The following IQSEC1 variants were observed in gnomAD, a reference collection of about 807,000 sequenced individuals.
The protein encoded by IQSEC1 is IQ motif and SEC7 domain-containing protein 1.
IQSEC1 carries 31 observed loss-of-function variants against 91.0 expected under a neutral mutation model. That is an observed-to-expected ratio of 0.34 (90% CI 0.26 to 0.46). The LOEUF (loss-of-function observed/expected upper bound fraction) is 0.46. Among genes scored for constraint, IQSEC1 ranks in the 20% least tolerant of loss-of-function variants. The pLI is 1.00. For missense variants in IQSEC1, 1,388 were observed against 1,575.6 expected (o/e 0.88, Z 2.02); for synonymous variants, 699 against 662.6 (o/e 1.05, Z -0.84).
At chr3:13,143,148 G>A (rs1706829336) in intron 2 of IQSEC1, among the ~76,000 whole-genome samples, 1 of 152,232 alleles carries the variant, frequency 6.6e-6, no homozygotes, top group African/African-American at 2.4e-5. Context: ...CTGGAGGACA[G>A]GAATCCCATC....
At chr3:13,256,649 C>T (rs902051458) in intron 1 of IQSEC1, among the ~76,000 whole-genome samples, 2 of 152,204 alleles carry the variant, frequency 1.3e-5, no homozygotes, top group African/African-American at 2.4e-5. Flanking sequence ...ACTGAGCAAG[C>T]GCTGGGGATG....
chr3:13,169,541 G>A (rs1037779276), intron 1 of IQSEC1, among the ~76,000 whole-genome samples: 3 of 152,226 alleles, frequency 2.0e-5, no homozygotes, highest in African/African-American at 7.2e-5. Context: ...CTCAGAAGAA[G>A]ACAGGAAAAT....
chr3:13,237,001 C>T (rs938956248), intron 1 of IQSEC1, among the ~76,000 whole-genome samples: 1 of 152,232 alleles, frequency 6.6e-6, no homozygotes, highest in Non-Finnish European at 1.5e-5. Context: ...AACACCTGCC[C>T]GAGGAGGGGC....
chr3:13,116,199 C>T (rs1272670021), intron 2 of IQSEC1, among the ~76,000 whole-genome samples: 1 of 152,160 alleles, frequency 6.6e-6, no homozygotes, highest in Non-Finnish European at 1.5e-5. Context: ...TGTGCCAGGC[C>T]AGGTGCTGGC....
At chr3:13,144,957 T>C (rs1053542189) in intron 2 of IQSEC1, among the ~76,000 whole-genome samples, 1 of 152,220 alleles carries the variant, frequency 6.6e-6, no homozygotes, top group Non-Finnish European at 1.5e-5. Context: ...GAAGGCCCAC[T>C]GTGGGCAGGC....
chr3:13,131,883 G>C (rs1490331329), intron 2 of IQSEC1, among the ~76,000 whole-genome samples: 1 of 151,874 alleles, frequency 6.6e-6, no homozygotes, highest in Admixed American at 6.6e-5. Context: ...TATCTATAAT[G>C]GTCCCATTGT....
At chr3:13,127,068 T>C (rs1269363447) in intron 2 of IQSEC1, among the ~76,000 whole-genome samples, 2 of 152,244 alleles carry the variant, frequency 1.3e-5, no homozygotes, top group Non-Finnish European at 2.9e-5. Context: ...TCCATTAAAT[T>C]GCTTTTGCAT....
chr3:13,112,625 G>A (rs1036196323), intron 2 of IQSEC1, among the ~76,000 whole-genome samples: 7 of 152,376 alleles, frequency 4.6e-5, no homozygotes, highest in African/African-American at 1.2e-4. Context: ...TGGTGGATGC[G>A]GCAGGAGCCT....
intron 2 of IQSEC1, among the ~76,000 whole-genome samples, chr3:12,941,145 T>G (rs973202695): frequency 6.6e-6 from 1 of 152,082 alleles, no homozygotes; most frequent in East Asian, 1.9e-4. Context: ...TCAATGGACC[T>G]CCCTCCCTCA....
intron 2 of IQSEC1, among the ~76,000 whole-genome samples, chr3:13,112,584 C>G: frequency 6.7e-6 from 1 of 149,154 alleles, no homozygotes; most frequent in East Asian, 2.0e-4. Flanking sequence ...GCACTGCGTG[C>G]TGGCCCCCAG....
intron 1 of IQSEC1, among the ~76,000 whole-genome samples, chr3:13,015,078 G>A (rs1225073537): frequency 6.6e-6 from 1 of 152,184 alleles, no homozygotes; most frequent in Admixed American, 6.5e-5. Context: ...GTGTGGGAAG[G>A]AAACACACCA....
chr3:13,132,817 CTT>C (rs1706641995), intron 2 of IQSEC1, among the ~76,000 whole-genome samples: 1 of 152,178 alleles, frequency 6.6e-6, no homozygotes, highest in Non-Finnish European at 1.5e-5. Flanking sequence ...CACCAGGAAA[CTT>C]TAGGAAACAC....
intron 1 of IQSEC1, among the ~76,000 whole-genome samples, chr3:13,032,083 A>G (rs1177541834): frequency 2.6e-5 from 4 of 152,108 alleles, no homozygotes; most frequent in Non-Finnish European, 5.9e-5. Flanking sequence ...TCCTTTCTCT[A>G]CGCACACACA....
Position 13,236,413 on chromosome 3 carries a change from C to T in IQSEC1, c.272+46298G>A, listed in dbSNP as rs141218214. Among the ~76,000 whole-genome samples the T allele has an allele frequency of 3.2e-4, 48 of 152,364 alleles. 1 individual carries two copies. Among genetic ancestry groups the T allele is most frequent in the Non-Finnish European group, 5.9e-4 (40 of 68,034 alleles). ...CATGAAACTGGCCATCTTTTCTGCG[C>T]ATGTGATGTTTCCATGGGCCAGGTC... is the stretch of plus-strand genomic sequence containing the variant. On this transcript the variant is annotated intron_variant, in intron 1 of 15. Transcript: ENST00000648114.
At chr3:12,919,112 G>T (rs113247398) in intron 6 of IQSEC1, among the ~76,000 whole-genome samples, 26 of 143,762 alleles carry the variant, frequency 1.8e-4, no homozygotes, top group African/African-American at 6.6e-4. Context: ...GAGGAGGCCC[G>T]GCCTCCTGGC....
At chr3:13,038,612 A>C (rs1313522138) in intron 1 of IQSEC1, among the ~76,000 whole-genome samples, 2 of 152,152 alleles carry the variant, frequency 1.3e-5, no homozygotes, top group Non-Finnish European at 2.9e-5. Context: ...GACTATAGCC[A>C]ATAATAACTG....
At chr3:12,965,351 G>C (rs893334260) in intron 1 of IQSEC1, among the ~76,000 whole-genome samples, 1 of 152,226 alleles carries the variant, frequency 6.6e-6, no homozygotes, top group Non-Finnish European at 1.5e-5. Flanking sequence ...TCCGGGTTTA[G>C]AGAGGGGGAG....
At chr3:13,047,986 C>T (rs1704561440) in intron 1 of IQSEC1, among the ~76,000 whole-genome samples, 1 of 152,148 alleles carries the variant, frequency 6.6e-6, no homozygotes, top group Non-Finnish European at 1.5e-5. Flanking sequence ...GATTTCCTGC[C>T]CAGAGACTCG....
chr3:12,919,165 C>CA (rs1483721169), intron 6 of IQSEC1, among the ~76,000 whole-genome samples: 1 of 152,220 alleles, frequency 6.6e-6, no homozygotes, highest in Non-Finnish European at 1.5e-5. Context: ...GTTGTACCAT[C>CA]AAAGTGTCCA....
Sources: allele counts gnomAD v4.1 joint callset (sites outside exome capture counted in the v4.1 genomes callset), GRCh38; gene constraint gnomAD v4.1.1; transcripts MANE v1.5; gene names NCBI Gene and HGNC (gene_info 2026-07-23, HGNC 2026-07-21).